The following AKAP6 variants were observed in gnomAD, a reference collection of about 807,000 sequenced individuals.
AKAP6 encodes the protein A-kinase anchoring protein 6.
In AKAP6, 58 loss-of-function variants were observed where a neutral mutation model predicts 188.5. That is an observed-to-expected ratio of 0.31 (90% CI 0.25 to 0.38). AKAP6 has a LOEUF of 0.38. Ranked by LOEUF, AKAP6 falls within the 10% of genes least tolerant of loss-of-function variation. The probability of loss-of-function intolerance (pLI) is 1.00; values close to 1 mark genes in which losing one functional copy is unlikely to be tolerated. For missense variants in AKAP6, 2,710 were observed against 2,740.0 expected (o/e 0.99, Z 0.24); for synonymous variants, 989 against 998.6 (o/e 0.99, Z 0.18).
At chr14:32,601,893 G>A (rs998915964) in intron 7 of AKAP6, among the ~76,000 whole-genome samples, 1 of 152,164 alleles carries the variant, frequency 6.6e-6, no homozygotes, top group Non-Finnish European at 1.5e-5. Flanking sequence ...ACAATTTACA[G>A]CTTTTGAATC....
rs548895976 is a variant in AKAP6, at chr14:32,365,298, A to G, written c.-35+35890A>G. Among the ~76,000 whole-genome samples the G allele has an allele frequency of 2.6e-5, 4 of 152,284 alleles. No individual in the cohort carries two copies. In the East Asian group the frequency reaches 7.7e-4, roughly 29 times the overall value. On this transcript the variant is annotated intron_variant, in intron 1 of 13. Transcript: ENST00000280979. ...GGAGAAAAGGGAGAGAGATTCTCCA[A>G]TTAGGAGTCTTCTGTAGCCTAGAAT...
intron 7 of AKAP6, among the ~76,000 whole-genome samples, chr14:32,660,932 CCCT>C (rs201254659): frequency 0.028 from 2,862 of 101,244 alleles, 170 homozygotes; most frequent in South Asian, 0.12. Context: ...CCACCCCCCC[CCCT>C]CCCAATTCCA....
chr14:32,336,468 T>C (rs17098767), intron 1 of AKAP6, among the ~76,000 whole-genome samples: 20,263 of 152,128 alleles, frequency 0.13, 1,503 homozygotes, highest in African/African-American at 0.19. Context: ...ATGTACAATA[T>C]CATATGCTAA....
chr14:32,363,722 G>A (rs1238584889), intron 1 of AKAP6, among the ~76,000 whole-genome samples: 1 of 152,156 alleles, frequency 6.6e-6, no homozygotes, highest in Admixed American at 6.5e-5. Flanking sequence ...AACTGAGGGT[G>A]GGTCTGCCTC....
chr14:32,586,205 A>T (rs1885237970), intron 5 of AKAP6, among the ~76,000 whole-genome samples: 1 of 152,246 alleles, frequency 6.6e-6, no homozygotes, highest in Non-Finnish European at 1.5e-5. Flanking sequence ...AAATTAAAAA[A>T]TTAAAGAAAG....
intron 11 of AKAP6, among the ~76,000 whole-genome samples, chr14:32,750,890 A>T (rs12881050): frequency 6.6e-6 from 1 of 150,974 alleles, no homozygotes; most frequent in African/African-American, 2.4e-5. Context: ...GCCTGCCACC[A>T]TGCCCGGCTA....
In AKAP6 at chr14:32,831,370, T is replaced by C. The variant is rs895222351; in HGVS notation, c.*1565T>C. 10 of 152,186 alleles carry C rather than the reference T, an allele frequency of 6.6e-5. No individual in the cohort carries two copies. Among genetic ancestry groups the C allele is most frequent in the African/African-American group, 2.4e-4 (10 of 41,450 alleles). The allele number at this position is 152,186 out of a possible 1,614,324, so 9.4% of individuals were successfully genotyped here. A position where few individuals can be genotyped will look rare whatever the true frequency, so the allele number is the denominator to read the frequency against. ...TAAAGGATTAAATTAGGTGACATGG[T>C]GACATCTATCCCTTTATTTTGACAC... On this transcript the variant is annotated 3_prime_UTR_variant, in exon 14 of 14. Coordinates refer to ENST00000280979, the MANE Select transcript of AKAP6 (RefSeq NM_004274.5).
intron 7 of AKAP6, among the ~76,000 whole-genome samples, chr14:32,605,262 G>A (rs1886085637): frequency 6.6e-6 from 1 of 152,148 alleles, no homozygotes; most frequent in Non-Finnish European, 1.5e-5. Flanking sequence ...CCTACCTTGG[G>A]CTATCAAAGA....
chr14:32,395,126 G>C (rs892043992), intron 1 of AKAP6, among the ~76,000 whole-genome samples: 7 of 152,026 alleles, frequency 4.6e-5, no homozygotes, highest in African/African-American at 1.7e-4. Context: ...TACAATAATG[G>C]GAAACCCAGG....
chr14:32,402,405 GGTAA>G (rs1199605341), intron 1 of AKAP6, among the ~76,000 whole-genome samples: 2 of 152,144 alleles, frequency 1.3e-5, no homozygotes, highest in African/African-American at 4.8e-5. Context: ...CACAAATTCA[GGTAA>G]GTGTTAAAAT....
At chr14:32,526,952 T>G (rs1394517312) in intron 2 of AKAP6, among the ~76,000 whole-genome samples, 1 of 152,204 alleles carries the variant, frequency 6.6e-6, no homozygotes, top group African/African-American at 2.4e-5. Flanking sequence ...GAACCTACTT[T>G]GGCACATCAT....
At chr14:32,765,570 A>G (rs1251820317) in intron 11 of AKAP6, among the ~76,000 whole-genome samples, 2 of 152,230 alleles carry the variant, frequency 1.3e-5, no homozygotes, top group East Asian at 1.9e-4. Flanking sequence ...TAGGACAGCT[A>G]TATTAAAAAT....
At chr14:32,714,758 T>C (rs1182105232) in intron 9 of AKAP6, among the ~76,000 whole-genome samples, 2 of 151,984 alleles carry the variant, frequency 1.3e-5, no homozygotes, top group African/African-American at 4.8e-5. Context: ...TACATTTCCA[T>C]TGAAACTAAG....
intron 1 of AKAP6, among the ~76,000 whole-genome samples, chr14:32,427,640 C>T (rs546507188): frequency 2.9e-4 from 44 of 152,300 alleles, no homozygotes; most frequent in Admixed American, 3.9e-4. Flanking sequence ...ATCCTGGAAT[C>T]ATATACAGGG....
At chr14:32,570,124 CT>C (rs60851991) in intron 4 of AKAP6, among the ~76,000 whole-genome samples, 1,770 of 74,752 alleles carry the variant, frequency 0.024, 15 homozygotes, top group African/African-American at 0.082. Context: ...TGTGTGGGAA[CT>C]TTTTTTTTTT....
intron 4 of AKAP6, among the ~76,000 whole-genome samples, chr14:32,558,388 G>T (rs8012268): frequency 0.49 from 74,922 of 152,040 alleles, 20,449 homozygotes; most frequent in African/African-American, 0.74. Context: ...AAGTGCCAAG[G>T]GAAAATTCAT....
intron 12 of AKAP6, among the ~76,000 whole-genome samples, chr14:32,801,192 T>G (rs1232614309): frequency 6.6e-6 from 1 of 152,226 alleles, no homozygotes; most frequent in Non-Finnish European, 1.5e-5. Context: ...CTATGTTTAT[T>G]CATTGCATTT....
chr14:32,559,579 C>T (rs969337427), intron 4 of AKAP6, among the ~76,000 whole-genome samples: 2 of 152,096 alleles, frequency 1.3e-5, no homozygotes, highest in Non-Finnish European at 2.9e-5. Context: ...GTTAATCTGA[C>T]TGTGGTATGC....
At chr14:32,737,599 A>T (rs1454197351) in intron 11 of AKAP6, among the ~76,000 whole-genome samples, 1 of 151,936 alleles carries the variant, frequency 6.6e-6, no homozygotes, top group African/African-American at 2.4e-5. Context: ...CATATGGGAA[A>T]CCCTCTGCCA....
Sources: allele counts gnomAD v4.1 joint callset (sites outside exome capture counted in the v4.1 genomes callset), GRCh38; gene constraint gnomAD v4.1.1; transcripts MANE v1.5; gene names NCBI Gene and HGNC (gene_info 2026-07-23, HGNC 2026-07-21).